The following QARS1 variants were observed in gnomAD, a reference collection of about 807,000 sequenced individuals.
QARS1 encodes glutaminyl-tRNA synthetase 1.
In QARS1, 79 loss-of-function variants were observed where a neutral mutation model predicts 106.9. The observed-to-expected ratio is 0.74, with a 90% CI of 0.62 to 0.89. The LOEUF (loss-of-function observed/expected upper bound fraction) is 0.89, where lower values mean the gene tolerates loss of function less well. Among genes scored for constraint, QARS1 ranks in the 40% least tolerant of loss-of-function variants. The pLI, the probability that QARS1 is intolerant of heterozygous loss-of-function variation, is 0.00. For missense variants in QARS1, 966 were observed against 997.2 expected (o/e 0.97, Z 0.42); for synonymous variants, 395 against 367.7 (o/e 1.07, Z -0.85).
rs767053528 is a variant in QARS1 at position 49,099,387 on chromosome 3, C to T, written c.1571G>A (p.Arg524Gln). 7 of 1,614,180 alleles carry T rather than the reference C, an allele frequency of 4.3e-6. No individual in the cohort carries two copies. The highest frequency in any genetic ancestry group is 3.3e-5 in the Admixed American group (2 of 60,024). Residue 524 changes from arginine (R) to glutamine (Q), a missense_variant, in exon 17 of 24, where the codon CGG becomes CAG. Arg to Gln is a conservative substitution (Grantham distance 43). Coordinates refer to ENST00000306125, the MANE Select transcript of QARS1 (RefSeq NM_005051.3). ...PRLFTLTALR[R>Q]RGFPPEAINN... ...GATGGCCTCAGGTGGGAAGCCCCGC[C>T]GTCGCAGGGCCGTGAGTGTAAAGAG...
intron 9 of QARS1, 87 bp downstream of exon 9, chr3:49,101,533 T>A: frequency 4.5e-6 from 7 of 1,570,646 alleles, no homozygotes; most frequent in Non-Finnish European, 6.1e-6. Context: ...GCCATGGTGA[T>A]GGGTGAGATG....
rs769969439 is a variant in QARS1 at position 49,101,325 on chromosome 3, T to G, written c.876+30A>C. The G allele has an allele frequency of 5.2e-6, 8 of 1,544,706 alleles. No homozygotes were observed. The South Asian group carries it at 9.0e-5, about 17-fold the overall frequency. ...TCATGGGAACAGCAAGTGGTCATCT[T>G]GCTTGCCAGGTCCCTAGACACATGC... On this transcript the variant is annotated intron_variant, in intron 10 of 23. Coordinates refer to ENST00000306125, the MANE Select transcript of QARS1 (RefSeq NM_005051.3).
Position 49,102,445 on chromosome 3 carries a change from C to G in QARS1, c.544G>C (p.Glu182Gln), listed in dbSNP as rs1319296211. The G allele has an allele frequency of 6.2e-7, 1 of 1,614,198 alleles. No individual in the cohort carries two copies. The highest frequency in any genetic ancestry group is 8.5e-7 in the Non-Finnish European group (1 of 1,180,040). Residue 182 changes from glutamate to glutamine, a missense_variant, in exon 6 of 24, where the codon GAG (glutamate) becomes CAG (glutamine). By Grantham distance (29) the Glu-to-Gln change is conservative. Coordinates refer to ENST00000306125, the MANE Select transcript of QARS1 (RefSeq NM_005051.3). ...TTGAACTTCTTCTCCAGATCAGCCT[C>G]CAACTTGGGGCCCAGAAGGTGGAGG... Reference protein sequence around the residue: ...QVLHLLGPKLEADLEKKFKVA... With the variant: ...QVLHLLGPKLQADLEKKFKVA...
chr3:49,099,410 G>C lies in QARS1; in HGVS notation c.1548C>G (p.Leu516=), dbSNP rs1004767154. 1 of 1,614,200 alleles carries C rather than the reference G, an allele frequency of 6.2e-7. No individual in the cohort carries two copies. Among genetic ancestry groups the C allele is most frequent in the Non-Finnish European group, 8.5e-7 (1 of 1,180,034 alleles). The change falls in exon 17 of 24, where the codon CTC becomes CTG. Residue 516 remains leucine, a synonymous_variant. Coordinates refer to ENST00000306125, the MANE Select transcript of QARS1 (RefSeq NM_005051.3). ...GAVRDWDDPR[L]FTLTALRRRG... ...GCCGTCGCAGGGCCGTGAGTGTAAAGAGCCGTGGGTCATCCCAGTCCCTGT... is the reference window on the plus strand; with the variant it reads ...GCCGTCGCAGGGCCGTGAGTGTAAACAGCCGTGGGTCATCCCAGTCCCTGT...
intron 23 of QARS1, 49 bp from the exon 24 acceptor site, chr3:49,096,128 G>A (rs1359877680): frequency 6.2e-7 from 1 of 1,601,140 alleles, no homozygotes; most frequent in Admixed American, 1.7e-5. Context: ...ACAAGGCCAG[G>A]GAGGCCTGGG....
At chr3:49,102,101 G>A in intron 7 of QARS1, 104 bp downstream of exon 7, 2 of 1,462,072 alleles carry the variant, frequency 1.4e-6, no homozygotes, top group South Asian at 1.2e-5. Context: ...ACAGAAGTCA[G>A]GGTACTGAGT....
rs781435764 is a variant in QARS1 at position 49,098,681 on chromosome 3, T to A, written c.1875A>T (p.Pro625=). The part of the protein sequence containing the change: ...ERTDFKEEPE[P]GFKRLAWGQP... ...GGCCCCAAGCCAGGCGCTTAAATCC[T>A]GGCTCTGGCTCCTAGAGATAGGAAG... Residue 625 remains proline (P), a synonymous_variant, in exon 20 of 24, where the codon CCA becomes CCT. Transcript: ENST00000306125. The A allele has an allele frequency of 6.3e-7, 1 of 1,598,098 alleles. No homozygotes were observed. The highest frequency in any genetic ancestry group is 8.5e-7 in the Non-Finnish European group (1 of 1,172,970).
In QARS1 at chr3:49,099,344, C is replaced by T; in HGVS notation, c.1614G>A (p.Arg538=). The T allele has an allele frequency of 1.2e-6, 2 of 1,614,168 alleles. No individual in the cohort carries two copies. The highest frequency in any genetic ancestry group is 1.7e-6 in the Non-Finnish European group (2 of 1,180,016). The part of the protein sequence containing the change: ...PPEAINNFCA[R]VGVTVAQTTM... The stretch of plus-strand genomic sequence containing the variant: ...ATCTACCCAACCTGCTGGGCTATAC[C>T]CGGGCACAGAAGTTGTTGATGGCCT... Residue 538 remains arginine, a splice_region_variant and synonymous_variant, in exon 17 of 24, where the codon CGG becomes CGA. Transcript: ENST00000306125.
At position 49,100,391 on chromosome 3, in the gene QARS1, C is replaced by G. The variant is rs2107103397; in HGVS notation, c.1044G>C (p.Glu348Asp). 1 of 1,614,260 alleles carries G rather than the reference C, an allele frequency of 6.2e-7. No homozygotes were observed. The highest frequency in any genetic ancestry group is 2.2e-5 in the East Asian group (1 of 44,892). The stretch of plus-strand genomic sequence containing the variant: ...GGCCCTGGCCTTACCTGCGGATGAG[C>G]TCCACAGCCCACGCATATAGCTGGT... The part of the protein sequence containing the change: ...YFDQLYAWAV[E>D]LIRRGLAYVC... The change falls in exon 12 of 24, where the codon GAG becomes GAC. Residue 348 changes from glutamate (E) to aspartate (D), a missense_variant. Physicochemically the swap from Glu to Asp is conservative, Grantham distance 45. Transcript: ENST00000306125.
chr3:49,101,524 C>T, intron 9 of QARS1, 83 bp from the exon 10 acceptor site: 1 of 1,569,860 alleles, frequency 6.4e-7, no homozygotes, highest in South Asian at 1.1e-5. Context: ...CCCAGGAAGG[C>T]CATGGTGATG....
Position 49,100,170 on chromosome 3 carries a change from A to C in QARS1, c.1164+20T>G. On this transcript the variant is annotated intron_variant, in intron 13 of 23. Transcript: ENST00000306125. ...AGCACCTTGGCCCACCCAAACCCAGATGCTCCTCTAGGACCCCACCTCAAA... is the reference window on the plus strand; with the variant it reads ...AGCACCTTGGCCCACCCAAACCCAGCTGCTCCTCTAGGACCCCACCTCAAA... 1 of 1,614,116 alleles carries C rather than the reference A, an allele frequency of 6.2e-7. No homozygotes were observed. Among genetic ancestry groups the C allele is most frequent in the South Asian group, 1.1e-5 (1 of 91,082 alleles).
chr3:49,101,715 C>G lies in QARS1; in HGVS notation c.704-10G>C, dbSNP rs761251190. On this transcript the variant is annotated splice_polypyrimidine_tract_variant and intron_variant, in intron 8 of 23. Transcript: ENST00000306125. The stretch of plus-strand genomic sequence containing the variant: ...GTCTTGTAGTTCTCACCTGCCAGGA[C>G]CAGAATAAGCCTAAGGACCAGGCTG... The G allele has an allele frequency of 6.2e-7, 1 of 1,614,040 alleles. No homozygotes were observed. Among genetic ancestry groups the G allele is most frequent in the East Asian group, 2.2e-5 (1 of 44,868 alleles).
chr3:49,100,564 C>G lies in QARS1; in HGVS notation c.976+11G>C, dbSNP rs549390023. ...AACCACCAGCCCTTCTAGGCTTTGC[C>G]TAGTCCATACCTAGCCAGGCTACCA... On this transcript the variant is annotated intron_variant, in intron 11 of 23. Coordinates refer to ENST00000306125, the MANE Select transcript of QARS1 (RefSeq NM_005051.3). 7 of 1,596,774 alleles carry G rather than the reference C, an allele frequency of 4.4e-6. No homozygotes were observed. The African/African-American group carries it at 8.0e-5, about 18-fold the overall frequency.
chr3:49,101,915 C>T lies in QARS1; in HGVS notation c.632-16G>A. The T allele has an allele frequency of 6.2e-7, 1 of 1,603,528 alleles. No homozygotes were observed. Among genetic ancestry groups the T allele is most frequent in the African/African-American group, 1.3e-5 (1 of 74,494 alleles). ...GCAGTCTCGCCTGTGGGGAACAAAA[C>T]AAGGAAAACTTGTCCTCTAGATACA... On this transcript the variant is annotated splice_polypyrimidine_tract_variant and intron_variant, in intron 7 of 23. Transcript: ENST00000306125.
rs753555653 is a variant in QARS1 at position 49,101,399 on chromosome 3, T to C, written c.832A>G (p.Ile278Val). 14 of 1,613,976 alleles carry C rather than the reference T, an allele frequency of 8.7e-6. No homozygotes were observed. The highest frequency in any genetic ancestry group is 1.6e-4 in the Middle Eastern group (1 of 6,082). The change falls in exon 10 of 24, where the codon ATT becomes GTT. Residue 278 changes from isoleucine to valine, a missense_variant. By Grantham distance (29) the Ile-to-Val change is conservative (BLOSUM62 3). Coordinates refer to ENST00000306125, the MANE Select transcript of QARS1 (RefSeq NM_005051.3). ...FPPEPNGILH[I>V]GHAKAINFNF... Reference sequence around the variant, plus strand: ...AAATTGATGGCTTTGGCATGTCCAATATGCAGGATTCCATTGGGTTCTGGC... The same window carrying C: ...AAATTGATGGCTTTGGCATGTCCAACATGCAGGATTCCATTGGGTTCTGGC...
At chr3:49,096,673 G>A (rs1302615401) in intron 23 of QARS1, among the ~76,000 whole-genome samples, 3 of 151,668 alleles carry the variant, frequency 2.0e-5, no homozygotes, top group African/African-American at 4.8e-5. Flanking sequence ...GGTGGCGGGC[G>A]CCTGTAGTCC....
At chr3:49,102,349 C>A in intron 6 of QARS1, 70 bp downstream of exon 6, 1 of 1,612,798 alleles carries the variant, frequency 6.2e-7, no homozygotes, top group Non-Finnish European at 8.5e-7. Flanking sequence ...TCAGACACTT[C>A]CTTCCCCAGC....
At chr3:49,104,077 G>A in intron 2 of QARS1, 105 bp from the exon 3 acceptor site, 1 of 1,220,552 alleles carries the variant, frequency 8.2e-7, no homozygotes, top group East Asian at 2.5e-5. Context: ...CTCCTGAAAA[G>A]TTAAGCCCTG....
rs1035209401 is a variant in QARS1, at chr3:49,102,652, G to A, written c.517-180C>T. On this transcript the variant is annotated intron_variant, in intron 5 of 23. Coordinates refer to ENST00000306125, the MANE Select transcript of QARS1 (RefSeq NM_005051.3). ...GCTAGCTTAAAATGCTCTTGCTCTT[G>A]TTGCCCAGACTGGAGTCTTGCTCAT... The A allele has an allele frequency of 4.7e-5, 32 of 678,002 alleles. 1 individual carries two copies. Among genetic ancestry groups the A allele is most frequent in the South Asian group, 4.5e-4 (28 of 62,058 alleles). The allele number at this position is 678,002 out of a possible 1,614,324, so 42.0% of individuals were successfully genotyped here.
Sources: gnomAD v4.1 joint callset for allele counts (sites outside exome capture counted in the v4.1 genomes callset) on GRCh38, gnomAD v4.1.1 for gene constraint, MANE v1.5 for transcripts, NCBI Gene and HGNC (gene_info 2026-07-23, HGNC 2026-07-21) for gene names.